TMEM71: variants seen among roughly 807,000 people sequenced by gnomAD.
TMEM71 encodes the protein transmembrane protein 71.
A neutral mutation model predicts 38.0 loss-of-function variants in TMEM71; 44 were observed. The ratio of observed to expected loss-of-function variants is 1.16; its 90% CI spans 0.91 to 1.49. The LOEUF (loss-of-function observed/expected upper bound fraction) is 1.49, where lower values mean the gene tolerates loss of function less well. Among genes scored for constraint, TMEM71 ranks in the 40% most tolerant of loss-of-function variants. The probability of loss-of-function intolerance (pLI) is 0.00; values close to 1 mark genes in which losing one functional copy is unlikely to be tolerated. For synonymous variants in TMEM71, 133 were observed against 122.5 expected (o/e 1.09, Z -0.56); for missense variants, 367 against 348.6 (o/e 1.05, Z -0.42).
chr8:132,710,942 C>T lies in TMEM71; in HGVS notation c.*25G>A. On this transcript the variant is annotated 3_prime_UTR_variant, in exon 10 of 10. Coordinates refer to ENST00000677595, the MANE Select transcript of TMEM71 (RefSeq NM_001382403.1). ...TCCAGATATTCAGATGGAGGACATTCATCGAAGGCATTCCTAAATGGTTGT... is the reference window on the plus strand; with the variant it reads ...TCCAGATATTCAGATGGAGGACATTTATCGAAGGCATTCCTAAATGGTTGT... The T allele has an allele frequency of 6.2e-7, 1 of 1,606,302 alleles. No individual in the cohort carries two copies. Among genetic ancestry groups the T allele is most frequent in the South Asian group, 1.1e-5 (1 of 90,496 alleles).
chr8:132,751,935 G>A lies in TMEM71; in HGVS notation c.164C>T (p.Thr55Ile). 1 of 1,614,124 alleles carries A rather than the reference G, an allele frequency of 6.2e-7. No individual in the cohort carries two copies. The highest frequency in any genetic ancestry group is 8.5e-7 in the Non-Finnish European group (1 of 1,180,034). Residue 55 changes from threonine to isoleucine, a missense_variant, in exon 4 of 10, where the codon ACA (threonine) becomes ATA (isoleucine). Transcript: ENST00000677595. ...SFECGSIDPLTGSHYTCRRSP... is the reference protein window; with the variant it reads ...SFECGSIDPLIGSHYTCRRSP... Reference sequence around the variant, plus strand: ...TCGGCGACAGGTATAGTGGGAGCCTGTCAGGGGATCTATGGAGCCGCATTC... The same window carrying A: ...TCGGCGACAGGTATAGTGGGAGCCTATCAGGGGATCTATGGAGCCGCATTC...
At chr8:132,750,096 T>C (rs1042371277) in intron 4 of TMEM71, among the ~76,000 whole-genome samples, 1 of 152,124 alleles carries the variant, frequency 6.6e-6, no homozygotes, top group Non-Finnish European at 1.5e-5. Flanking sequence ...TATTTAGATC[T>C]ATAGGTTACT....
At chr8:132,724,668 CA>C (rs1461920930) in intron 6 of TMEM71, among the ~76,000 whole-genome samples, 1 of 152,184 alleles carries the variant, frequency 6.6e-6, no homozygotes. Flanking sequence ...AGGTGACGTA[CA>C]GCCTCAGCTT....
chr8:132,774,700 G>A, the TMEM71 span, among the ~76,000 whole-genome samples: 3 of 152,348 alleles, frequency 2.0e-5, no homozygotes, highest in Middle Eastern at 6.8e-3. Context: ...TGTCTCCTGT[G>A]CTTAGTAAAG....
At chr8:132,746,794 G>T in intron 5 of TMEM71, 148 bp downstream of exon 5, 1 of 563,368 alleles carries the variant, frequency 1.8e-6, no homozygotes, top group South Asian at 3.6e-5. Context: ...GTAATATAGA[G>T]AGAACTTTAA....
At chr8:132,743,797 C>T (rs1828184965) in intron 5 of TMEM71, among the ~76,000 whole-genome samples, 1 of 152,108 alleles carries the variant, frequency 6.6e-6, no homozygotes, top group Non-Finnish European at 1.5e-5. Context: ...AACTTAAACT[C>T]ACTGTGTTTC....
intron 5 of TMEM71, among the ~76,000 whole-genome samples, chr8:132,738,565 A>G (rs1684863787): frequency 6.6e-6 from 1 of 152,192 alleles, no homozygotes; most frequent in African/African-American, 2.4e-5. Flanking sequence ...GAAAATTCCA[A>G]ATCTGATTGC....
At chr8:132,738,655 G>A (rs1230074379) in intron 5 of TMEM71, among the ~76,000 whole-genome samples, 4 of 152,044 alleles carry the variant, frequency 2.6e-5, no homozygotes, top group Non-Finnish European at 5.9e-5. Flanking sequence ...TGGCATAAAA[G>A]GTTCTTCAAA....
At chr8:132,751,658 T>C (rs956133405) in intron 4 of TMEM71, 127 bp downstream of exon 4, 8 of 879,886 alleles carry the variant, frequency 9.1e-6, no homozygotes, top group Non-Finnish European at 1.5e-5. Context: ...CTCTTACCCT[T>C]TGTATTTCCA....
chr8:132,728,192 T>C (rs954028252), intron 5 of TMEM71, among the ~76,000 whole-genome samples: 1 of 152,170 alleles, frequency 6.6e-6, no homozygotes, highest in African/African-American at 2.4e-5. Flanking sequence ...ATGCTGCTGA[T>C]AAAGACTTTC....
chr8:132,723,222 G>A (rs1826950235), intron 6 of TMEM71, among the ~76,000 whole-genome samples: 1 of 152,056 alleles, frequency 6.6e-6, no homozygotes, highest in African/African-American at 2.4e-5. Flanking sequence ...CAGTTATTGT[G>A]GGTTCAACTG....
intron 5 of TMEM71, 23 bp downstream of exon 5, chr8:132,746,918 AT>A (rs1563754076): frequency 6.5e-7 from 1 of 1,543,390 alleles, no homozygotes; most frequent in Non-Finnish European, 8.7e-7. Context: ...AAATTTTACT[AT>A]GGAAAGGAGG....
intron 5 of TMEM71, among the ~76,000 whole-genome samples, chr8:132,738,154 T>G (rs1187854685): frequency 6.6e-6 from 1 of 151,678 alleles, no homozygotes. Context: ...TATATGCTAT[T>G]TTTTTATTTT....
chr8:132,741,733 A>G (rs1039773279), intron 5 of TMEM71, among the ~76,000 whole-genome samples: 3 of 152,128 alleles, frequency 2.0e-5, no homozygotes, highest in Non-Finnish European at 2.9e-5. Flanking sequence ...TGGAACATGA[A>G]GGCGGACTAG....
intron 5 of TMEM71, among the ~76,000 whole-genome samples, chr8:132,742,665 T>G (rs1422483515): frequency 6.6e-6 from 1 of 152,232 alleles, no homozygotes; most frequent in Non-Finnish European, 1.5e-5. Flanking sequence ...TAGCACATAC[T>G]CAGTGAGTTT....
At chr8:132,743,795 C>T (rs554421542) in intron 5 of TMEM71, among the ~76,000 whole-genome samples, 3 of 152,260 alleles carry the variant, frequency 2.0e-5, no homozygotes, top group African/African-American at 7.2e-5. Flanking sequence ...GAAACTTAAA[C>T]TCACTGTGTT....
chr8:132,719,150 G>A (rs761089879), intron 7 of TMEM71, among the ~76,000 whole-genome samples: 34 of 152,222 alleles, frequency 2.2e-4, no homozygotes, highest in Non-Finnish European at 3.7e-4. Context: ...AATATTTCCC[G>A]CGCCCTTTAA....
At chr8:132,729,752 G>A (rs1473632128) in intron 5 of TMEM71, among the ~76,000 whole-genome samples, 1 of 152,114 alleles carries the variant, frequency 6.6e-6, no homozygotes, top group Non-Finnish European at 1.5e-5. Flanking sequence ...CAGAAAAAAG[G>A]CCTTGGTCTC....
chr8:132,756,414 TATA>T (rs1563757919), intron 3 of TMEM71, among the ~76,000 whole-genome samples: 1,715 of 61,212 alleles, frequency 0.028, 35 homozygotes, highest in African/African-American at 0.056. Flanking sequence ...ATATATATTA[TATA>T]TATATATATA....
Sources: gnomAD v4.1 joint callset for allele counts (sites outside exome capture counted in the v4.1 genomes callset) on GRCh38, gnomAD v4.1.1 for gene constraint, MANE v1.5 for transcripts, NCBI Gene and HGNC (gene_info 2026-07-23, HGNC 2026-07-21) for gene names.